The following FHL5 variants were observed in gnomAD, a reference collection of about 807,000 sequenced individuals.
FHL5 encodes the protein four and a half LIM domains protein 5.
A neutral mutation model predicts 32.0 loss-of-function variants in FHL5; 33 were observed. The observed-to-expected ratio is 1.03, with a 90% confidence interval of 0.78 to 1.38. The LOEUF (loss-of-function observed/expected upper bound fraction) is 1.38, where lower values mean the gene tolerates loss of function less well. FHL5 is among the 40% of genes most tolerant of loss of function. The pLI, the probability that FHL5 is intolerant of heterozygous loss-of-function variation, is 0.00. For missense variants in FHL5, 336 were observed against 343.9 expected (o/e 0.98, Z 0.18); for synonymous variants, 114 against 113.6 (o/e 1.00, Z -0.02).
At chr6:96,572,060 T>C (rs1257015482) in intron 1 of FHL5, among the ~76,000 whole-genome samples, 1 of 152,128 alleles carries the variant, frequency 6.6e-6, no homozygotes, top group Admixed American at 6.5e-5. Context: ...AATCGAAGTC[T>C]AAAATTGTTC....
chr6:96,564,777 G>T (rs1002526048), intron 1 of FHL5, among the ~76,000 whole-genome samples: 11 of 152,098 alleles, frequency 7.2e-5, no homozygotes, highest in African/African-American at 2.7e-4. Context: ...TCAGATATTA[G>T]TTAAACCAGC....
At chr6:96,595,009 A>G (rs1450803025) in intron 1 of FHL5, among the ~76,000 whole-genome samples, 2 of 151,892 alleles carry the variant, frequency 1.3e-5, no homozygotes, top group Admixed American at 6.6e-5. Flanking sequence ...TCATACAGTC[A>G]ATGTTTATTT....
Position 96,615,888 on chromosome 6 carries a change from G to A in FHL5, c.*116G>A. 4 of 880,066 alleles carry A rather than the reference G, an allele frequency of 4.5e-6. No individual in the cohort carries two copies. The highest frequency in any genetic ancestry group is 6.6e-6 in the Non-Finnish European group (4 of 606,354). The allele number at this position is 880,066 out of a possible 1,614,324, so 54.5% of individuals were successfully genotyped here. A position where few individuals can be genotyped will look rare whatever the true frequency, so the allele number is the denominator to read the frequency against. ...AGAAAATATTCATGTAGTTTAGAGT[G>A]GAAAAGTTTTTGCACACATTTTGAT... On this transcript the variant is annotated 3_prime_UTR_variant, in exon 6 of 6. Coordinates refer to ENST00000450218, the MANE Select transcript of FHL5 (RefSeq NM_001322466.2).
chr6:96,590,071 T>A (rs147166044), intron 1 of FHL5, among the ~76,000 whole-genome samples: 6 of 152,028 alleles, frequency 3.9e-5, no homozygotes, highest in African/African-American at 1.4e-4. Context: ...AGTAGCTTTA[T>A]AATGTCTTGA....
chr6:96,562,583 C>T (rs997256893), upstream of FHL5: 1 of 152,336 alleles, frequency 6.6e-6, no homozygotes, highest in African/African-American at 2.4e-5. Context: ...TGAGTCCACA[C>T]TGCAAGTCCA....
chr6:96,609,019 G>A (rs1771342518), intron 4 of FHL5, among the ~76,000 whole-genome samples: 1 of 152,202 alleles, frequency 6.6e-6, no homozygotes. Flanking sequence ...GGCATTGGAA[G>A]TCAGTAGGAG....
chr6:96,612,197 C>T (rs1771424418), intron 5 of FHL5, among the ~76,000 whole-genome samples: 1 of 152,244 alleles, frequency 6.6e-6, no homozygotes, highest in Non-Finnish European at 1.5e-5. Context: ...TGCTCTCCTG[C>T]CTTCTACAAA....
At chr6:96,584,087 T>C (rs1275332738) in intron 1 of FHL5, among the ~76,000 whole-genome samples, 1 of 152,180 alleles carries the variant, frequency 6.6e-6, no homozygotes, top group Non-Finnish European at 1.5e-5. Flanking sequence ...AGAGATAAAG[T>C]AAGCAGCATC....
At chr6:96,582,201 GT>G (rs1770709209) in intron 1 of FHL5, among the ~76,000 whole-genome samples, 1 of 152,070 alleles carries the variant, frequency 6.6e-6, no homozygotes, top group Admixed American at 6.6e-5. Context: ...AATGATTGCG[GT>G]TTCTTTGGAA....
intron 1 of FHL5, among the ~76,000 whole-genome samples, chr6:96,583,461 G>A (rs1770734368): frequency 6.6e-6 from 1 of 151,982 alleles, no homozygotes; most frequent in Admixed American, 6.6e-5. Flanking sequence ...TAACATCATA[G>A]ATATCAATGG....
intron 1 of FHL5, among the ~76,000 whole-genome samples, chr6:96,569,176 C>A (rs765503612): frequency 2.0e-4 from 30 of 151,892 alleles, no homozygotes; most frequent in Non-Finnish European, 3.8e-4. Context: ...ATTTTAAAAT[C>A]TTCCTCTTAA....
At chr6:96,589,570 C>G (rs1003270934) in intron 1 of FHL5, among the ~76,000 whole-genome samples, 2 of 151,902 alleles carry the variant, frequency 1.3e-5, no homozygotes, top group African/African-American at 4.8e-5. Context: ...GACTTCTTCA[C>G]ATGTTTTGGA....
At chr6:96,608,521 G>GTCAA (rs1210656743) in intron 4 of FHL5, among the ~76,000 whole-genome samples, 1 of 151,864 alleles carries the variant, frequency 6.6e-6, no homozygotes, top group Non-Finnish European at 1.5e-5. Flanking sequence ...TTGACAACCA[G>GTCAA]GCTGTTAGAA....
intron 1 of FHL5, among the ~76,000 whole-genome samples, chr6:96,588,496 T>C (rs1404184706): frequency 6.6e-6 from 1 of 152,218 alleles, no homozygotes; most frequent in Non-Finnish European, 1.5e-5. Context: ...CCACTGCGCC[T>C]GGCCTCCTGT....
intron 1 of FHL5, among the ~76,000 whole-genome samples, chr6:96,582,351 A>AG (rs1226620824): frequency 3.9e-5 from 6 of 151,984 alleles, no homozygotes; most frequent in Non-Finnish European, 8.8e-5. Context: ...TATCCCAGTG[A>AG]GAAAAAAAAA....
chr6:96,603,888 T>A (rs1771211885), intron 2 of FHL5, 116 bp downstream of exon 2: 2 of 794,890 alleles, frequency 2.5e-6, no homozygotes, highest in South Asian at 3.5e-5. Context: ...ACTGGATATA[T>A]AAGGATCTTA....
intron 1 of FHL5, among the ~76,000 whole-genome samples, chr6:96,594,227 TTATATATATATATATATATATATATATA>T (rs1178680000): frequency 6.1e-4 from 41 of 66,882 alleles, no homozygotes; most frequent in South Asian, 2.3e-3. Context: ...ATATTAGAAT[TTATATATATATATATATATATATATATA>T]TATATATATA....
At chr6:96,615,410 G>T (rs1771496570) in intron 5 of FHL5, among the ~76,000 whole-genome samples, 199 bp from the exon 6 acceptor site, 1 of 152,080 alleles carries the variant, frequency 6.6e-6, no homozygotes, top group Non-Finnish European at 1.5e-5. Context: ...AATCTGGTTG[G>T]GTGGCATAGG....
chr6:96,580,267 T>C (rs1770671877), intron 1 of FHL5, among the ~76,000 whole-genome samples: 1 of 152,234 alleles, frequency 6.6e-6, no homozygotes, highest in Non-Finnish European at 1.5e-5. Flanking sequence ...TCATCAGTTT[T>C]ATCCAAGACC....
Sources: gnomAD v4.1 joint callset for allele counts (sites outside exome capture counted in the v4.1 genomes callset) on GRCh38, gnomAD v4.1.1 for gene constraint, MANE v1.5 for transcripts, NCBI Gene and HGNC (gene_info 2026-07-23, HGNC 2026-07-21) for gene names.